ZAN: variants seen among roughly 807,000 people sequenced by gnomAD.
ZAN encodes the protein zonadhesin (gene/pseudogene).
Under a neutral mutation model 286.2 loss-of-function variants are expected in ZAN, and 260 were observed. That is an observed-to-expected ratio of 0.91 (90% CI 0.82 to 1.01). ZAN has a LOEUF of 1.01. Among genes scored for constraint, ZAN ranks in the 50% least tolerant of loss-of-function variants. ZAN has a pLI of 0.00. For synonymous variants in ZAN, 1,368 were observed against 1,417.5 expected (o/e 0.97, Z 0.79); for missense variants, 3,410 against 3,639.2 (o/e 0.94, Z 1.62).
chr7:100,773,517 C>T (rs750094263), intron 30 of ZAN, 24 bp downstream of exon 30: 1 of 1,609,676 alleles, frequency 6.2e-7, no homozygotes, highest in Non-Finnish European at 8.5e-7. Context: ...TAGGAGGGGC[C>T]CCGCCCTTTC....
At chr7:100,780,045 T>G (rs1001760154) in intron 35 of ZAN, among the ~76,000 whole-genome samples, 2 of 151,814 alleles carry the variant, frequency 1.3e-5, no homozygotes, top group African/African-American at 4.8e-5. Flanking sequence ...AATACAAAAT[T>G]AGCCGGGTGT....
chr7:100,750,684 C>T lies in ZAN; in HGVS notation c.1309C>T (p.Leu437=). The change falls in exon 12 of 48, where the codon CTG becomes TTG. Residue 437 remains leucine (L), a synonymous_variant. Transcript: ENST00000613979. ...CTCCCAGGCAGGCCAGTCAGTCAGACTGGTGAGCCGGCCCTTCTGCGCCCC... is the reference window on the plus strand; with the variant it reads ...CTCCCAGGCAGGCCAGTCAGTCAGATTGGTGAGCCGGCCCTTCTGCGCCCC... ...EFSQAGQSVR[L]VSRPFCAPGD... The T allele has an allele frequency of 1.2e-6, 2 of 1,613,378 alleles. No individual in the cohort carries two copies. The highest frequency in any genetic ancestry group is 1.7e-6 in the Non-Finnish European group (2 of 1,179,674).
Position 100,791,017 on chromosome 7 carries a change from A to G in ZAN, c.7433A>G (p.Asp2478Gly), listed in dbSNP as rs766543507. 1.9e-6 allele frequency: 3 copies of G among 1,612,848 alleles called. No individual in the cohort carries two copies. In the East Asian group the frequency reaches 6.7e-5, roughly 36 times the overall value. ...AACTACGACAAGAACCGCAAGAATG[A>G]CATGATGCTGCCCAGTGGCGCCCTG... is the stretch of plus-strand genomic sequence containing the variant. ...CGNYDKNRKNDMMLPSGALTQ... is the reference protein window; with the variant it reads ...CGNYDKNRKNGMMLPSGALTQ... The change falls in exon 40 of 48, where the codon GAC (aspartate) becomes GGC (glycine). Residue 2478 changes from aspartate (D) to glycine (G), a missense_variant. Physicochemically the swap from Asp to Gly is moderately conservative, Grantham distance 94 (BLOSUM62 -1). This residue lies in a region of ZAN where 1,289 missense variants were observed against 1,314.3 expected (regional missense o/e 0.98). Transcript: ENST00000613979.
intron 35 of ZAN, among the ~76,000 whole-genome samples, chr7:100,781,397 G>A (rs1049327428): frequency 2.0e-5 from 3 of 151,962 alleles, no homozygotes; most frequent in East Asian, 1.9e-4. Context: ...AAACACTCTC[G>A]CGTTCCAGGA....
intron 28 of ZAN, 81 bp downstream of exon 28, chr7:100,770,055 C>T: frequency 7.4e-7 from 1 of 1,345,718 alleles, no homozygotes; most frequent in Non-Finnish European, 1.0e-6. Context: ...GAGGGAGAAA[C>T]AACAAGACCA....
rs1302058361 is a variant in ZAN at position 100,763,746 on chromosome 7, G to A, written c.3987-60G>A. On this transcript the variant is annotated intron_variant, in intron 20 of 47. Transcript: ENST00000613979. The surrounding 1 kb of genome is among the most constrained non-coding windows in gnomAD (Gnocchi z 4.6). ...GCCTGCCAGCCTTGCTGCCTGCTGG[G>A]TTAGGGATGAGCTGGAAGCGAGCTT... 3 of 1,554,950 alleles carry A rather than the reference G, an allele frequency of 1.9e-6. No individual in the cohort carries two copies. The highest frequency in any genetic ancestry group is 2.7e-6 in the Non-Finnish European group (3 of 1,128,010).
intron 9 of ZAN, 138 bp from the exon 10 acceptor site, chr7:100,747,999 A>AAAG (rs1472105427): frequency 1.5e-5 from 11 of 722,122 alleles, no homozygotes; most frequent in South Asian, 1.1e-4. Flanking sequence ...AAAAAAAAAA[A>AAAG]AAAGAAAGAA....
chr7:100,780,149 C>T (rs773465684), intron 35 of ZAN, among the ~76,000 whole-genome samples: 22 of 150,992 alleles, frequency 1.5e-4, no homozygotes, highest in African/African-American at 4.9e-4. Flanking sequence ...GCCGAGATCG[C>T]GCCGTTGCAC....
intron 22 of ZAN, 89 bp from the exon 23 acceptor site, chr7:100,765,263 T>TG: frequency 7.1e-7 from 1 of 1,405,860 alleles, no homozygotes; most frequent in Non-Finnish European, 9.8e-7. Flanking sequence ...AGCCTGGAGC[T>TG]GGGGCCCTTC....
chr7:100,736,930 G>T lies in ZAN; in HGVS notation c.375G>T (p.Gly125=). The T allele has an allele frequency of 2.0e-6, 3 of 1,499,694 alleles. No individual in the cohort carries two copies. The highest frequency in any genetic ancestry group is 1.2e-5 in the South Asian group (1 of 85,868). The allele number at this position is 1,499,694 out of a possible 1,614,324, so 92.9% of individuals were successfully genotyped here. A position where few individuals can be genotyped will look rare whatever the true frequency, so the allele number is the denominator to read the frequency against. The change falls in exon 5 of 48, where the codon GGG becomes GGT. Residue 125 remains glycine (G), a synonymous_variant. Coordinates refer to ENST00000613979, the MANE Select transcript of ZAN (RefSeq NM_003386.3). ...LCVHFAHHMF[G]LSWGAQLRLL... The stretch of plus-strand genomic sequence containing the variant: ...TGCACTTTGCCCACCACATGTTCGG[G>T]CTGTCTTGGGGCGCCCAGCTCAGGC...
chr7:100,795,173 C>T (rs1387560916), intron 44 of ZAN, 23 bp from the exon 45 acceptor site: 3 of 1,601,464 alleles, frequency 1.9e-6, no homozygotes, highest in Non-Finnish European at 2.6e-6. Flanking sequence ...GCCCCCCTCC[C>T]ACAACCCTCT....
intron 38 of ZAN, among the ~76,000 whole-genome samples, chr7:100,788,355 A>G (rs1440846687): frequency 1.3e-5 from 2 of 151,952 alleles, no homozygotes; most frequent in Middle Eastern, 6.8e-3. Context: ...GTTCAAGACC[A>G]GCCTGGGCAA....
At chr7:100,769,254 C>T (rs551243410) in intron 27 of ZAN, among the ~76,000 whole-genome samples, 6 of 152,118 alleles carry the variant, frequency 3.9e-5, no homozygotes, top group South Asian at 4.2e-4. Context: ...CCACCACGCC[C>T]GGCTAATTTT....
In ZAN at chr7:100,750,844, A is replaced by G; in HGVS notation, c.1469A>G (p.Tyr490Cys). 6.3e-7 allele frequency: 1 copy of G among 1,586,976 alleles called. No individual in the cohort carries two copies. Among genetic ancestry groups the G allele is most frequent in the Non-Finnish European group, 8.6e-7 (1 of 1,164,940 alleles). Residue 490 changes from tyrosine to cysteine, a missense_variant, in exon 12 of 48, where the codon TAC becomes TGC. Physicochemically the swap from Tyr to Cys is radical, Grantham distance 194. Transcript: ENST00000613979. The part of the protein sequence containing the change: ...LWKRVGSQRP[Y>C]WQNTSVTVPS... ...AAACGCGTGGGGTCTCAGCGCCCTTACTGGCAGAACACCTCCGTCACCGTC... is the reference window on the plus strand; with the variant it reads ...AAACGCGTGGGGTCTCAGCGCCCTTGCTGGCAGAACACCTCCGTCACCGTC...
intron 17 of ZAN, 148 bp downstream of exon 17, chr7:100,758,798 GA>G: frequency 7.5e-7 from 1 of 1,332,250 alleles, no homozygotes; most frequent in Non-Finnish European, 1.0e-6. Flanking sequence ...GGTGAGGGTT[GA>G]AGGCCAGGCA....
At chr7:100,734,994 G>A (rs1339314208) in intron 2 of ZAN, among the ~76,000 whole-genome samples, 1 of 138,300 alleles carries the variant, frequency 7.2e-6, no homozygotes, top group Non-Finnish European at 1.6e-5. Context: ...AGACCAGCCT[G>A]ACCAACATGG....
At chr7:100,761,748 C>T (rs1809594860) in intron 19 of ZAN, among the ~76,000 whole-genome samples, 1 of 151,826 alleles carries the variant, frequency 6.6e-6, no homozygotes, top group African/African-American at 2.4e-5. Context: ...ACCAGCCTGG[C>T]CAACATGGTG....
rs764423331 is a variant in ZAN at position 100,790,939 on chromosome 7, C to T, written c.7358-3C>T. On this transcript the variant is annotated splice_region_variant and splice_polypyrimidine_tract_variant and intron_variant, in intron 39 of 47. Transcript: ENST00000613979. ...ACTTCTGGGGACCCCCTTCCTCCCG[C>T]AGTGATCTCCCTACCCAGCATGTAC... The T allele has an allele frequency of 6.2e-7, 1 of 1,608,074 alleles. No individual in the cohort carries two copies. The highest frequency in any genetic ancestry group is 1.1e-5 in the South Asian group (1 of 89,880).
intron 33 of ZAN, among the ~76,000 whole-genome samples, chr7:100,776,189 C>A (rs1471100132): frequency 6.6e-6 from 1 of 151,826 alleles, no homozygotes; most frequent in African/African-American, 2.4e-5. Context: ...GTGGTGGTGC[C>A]CACCTGTAAT....
Sources: gnomAD v4.1 joint callset for allele counts (sites outside exome capture counted in the v4.1 genomes callset) on GRCh38, gnomAD v4.1.1 for gene constraint, gnomAD v4.1.1 regional missense constraint, Gnocchi (gnomAD v3.1) non-coding constraint, MANE v1.5 for transcripts, NCBI Gene and HGNC (gene_info 2026-07-23, HGNC 2026-07-21) for gene names.